Variants in CHD1 observed in about 807,000 individuals in gnomAD.
The protein encoded by CHD1 is chromodomain helicase DNA binding protein 1.
A neutral mutation model predicts 224.2 loss-of-function variants in CHD1; 36 were observed. The observed-to-expected ratio is 0.16, with a 90% CI of 0.12 to 0.21. CHD1 has a LOEUF of 0.21. Ranked by LOEUF, CHD1 falls within the 10% of genes least tolerant of loss-of-function variation. CHD1 has a pLI of 1.00. For synonymous variants in CHD1, 668 were observed against 658.3 expected (o/e 1.01, Z -0.23); for missense variants, 1,378 against 1,994.8 (o/e 0.69, Z 5.89).
intron 22 of CHD1, 57 bp from the exon 23 acceptor site, chr5:98,879,785 T>A: frequency 8.1e-7 from 1 of 1,233,410 alleles, no homozygotes; most frequent in Non-Finnish European, 1.1e-6. Context: ...TCCCTAAAAG[T>A]TTTTTTTAAG....
chr5:98,901,472 T>C, intron 5 of CHD1, 137 bp from the exon 6 acceptor site: 1 of 656,794 alleles, frequency 1.5e-6, no homozygotes, highest in Non-Finnish European at 2.4e-6. Flanking sequence ...AAAAATGAAA[T>C]ATTTATAAAA....
intron 2 of CHD1, among the ~76,000 whole-genome samples, chr5:98,919,003 C>T (rs1752925443): frequency 6.6e-6 from 1 of 152,164 alleles, no homozygotes; most frequent in African/African-American, 2.4e-5. Flanking sequence ...TTTAAACTGG[C>T]TATTCCATTA....
chr5:98,898,838 C>T (rs1490456973), intron 8 of CHD1, 74 bp from the exon 9 acceptor site: 3 of 790,804 alleles, frequency 3.8e-6, no homozygotes, highest in Non-Finnish European at 6.4e-6. Context: ...ATCCCCAACA[C>T]TATTTGTAGC....
rs758190179 is a variant in CHD1, at chr5:98,899,628, G to C, written c.937C>G (p.Pro313Ala). Residue 313 changes from proline (P) to alanine (A), a missense_variant, in exon 8 of 36, where the codon CCA becomes GCA. Pro to Ala is a conservative substitution (Grantham distance 27). Around this residue, in one of 16 missense-constraint regions of CHD1, gnomAD observed 40 missense variants for 60.0 expected, o/e 0.67. Transcript: ENST00000614616. Reference sequence around the variant, plus strand: ...TTAATTAAATACTGAATCTCTCCTGGTTCTTTGTTTTTTTCAAAGCCTGCA... The same window carrying C: ...TTAATTAAATACTGAATCTCTCCTGCTTCTTTGTTTTTTTCAAAGCCTGCA... ...PNAGFEKNKEPGEIQYLIKWK... is the reference protein window; with the variant it reads ...PNAGFEKNKEAGEIQYLIKWK... 3 of 1,613,420 alleles carry C rather than the reference G, an allele frequency of 1.9e-6. No homozygotes were observed. Among genetic ancestry groups the C allele is most frequent in the South Asian group, 2.2e-5 (2 of 91,052 alleles).
chr5:98,909,591 T>C (rs1752261532), intron 2 of CHD1, among the ~76,000 whole-genome samples: 1 of 152,174 alleles, frequency 6.6e-6, no homozygotes, highest in South Asian at 2.1e-4. Context: ...ATTCATCAGT[T>C]ACCCAAAACA....
At chr5:98,864,308 G>A (rs955714180) in intron 31 of CHD1, among the ~76,000 whole-genome samples, 2 of 151,920 alleles carry the variant, frequency 1.3e-5, no homozygotes, top group African/African-American at 4.8e-5. Context: ...TTCACAGAAA[G>A]CAAGCTGGTT....
At chr5:98,913,875 A>C (rs1418491174) in intron 2 of CHD1, among the ~76,000 whole-genome samples, 1 of 152,230 alleles carries the variant, frequency 6.6e-6, no homozygotes, top group Admixed American at 6.5e-5. Context: ...TGGAGAACTG[A>C]AAGGAAGTTC....
chr5:98,870,810 AAGC>A lies in CHD1; in HGVS notation c.3862-10_3862-8del. The A allele has an allele frequency of 6.3e-7, 1 of 1,585,694 alleles. No individual in the cohort carries two copies. The highest frequency in any genetic ancestry group is 8.6e-7 in the Non-Finnish European group (1 of 1,158,544). ...CGGGATCATCTGGAAGAATCTGAAA[AAGC>A]AATAAATTTTTTCAGATTGTCTTAA... On this transcript the variant is annotated splice_region_variant and splice_polypyrimidine_tract_variant and intron_variant, in intron 28 of 35. Transcript: ENST00000614616.
chr5:98,886,423 G>C (rs1215210912), intron 17 of CHD1, among the ~76,000 whole-genome samples: 1 of 152,184 alleles, frequency 6.6e-6, no homozygotes, highest in Non-Finnish European at 1.5e-5. Flanking sequence ...AAAACATGTA[G>C]CACAGTGCCT....
intron 2 of CHD1, among the ~76,000 whole-genome samples, chr5:98,912,837 T>C (rs1752510551): frequency 6.6e-6 from 1 of 152,228 alleles, no homozygotes; most frequent in Non-Finnish European, 1.5e-5. Flanking sequence ...TTATTTTCAA[T>C]TATATAACAT....
At chr5:98,899,101 G>A (rs1237552632) in intron 8 of CHD1, among the ~76,000 whole-genome samples, 1 of 152,028 alleles carries the variant, frequency 6.6e-6, no homozygotes, top group Non-Finnish European at 1.5e-5. Context: ...CAGAATCTGA[G>A]GATGCTCAAG....
At chr5:98,908,398 G>C (rs573419382) in intron 2 of CHD1, among the ~76,000 whole-genome samples, 13 of 152,142 alleles carry the variant, frequency 8.5e-5, no homozygotes, top group Non-Finnish European at 1.6e-4. Context: ...TCTTGGTTAT[G>C]AGCAAACGAT....
At chr5:98,858,103 C>T (rs2112442532) in intron 35 of CHD1, 77 bp downstream of exon 35, 1 of 1,106,758 alleles carries the variant, frequency 9.0e-7, no homozygotes, top group Non-Finnish European at 1.3e-6. Flanking sequence ...AATTGGCTGA[C>T]AGGTCAAATA....
chr5:98,871,763 CA>C (rs1749369290), intron 28 of CHD1, among the ~76,000 whole-genome samples: 1 of 151,988 alleles, frequency 6.6e-6, no homozygotes, highest in African/African-American at 2.4e-5. Flanking sequence ...TATTATGCAT[CA>C]AAAATTTTTT....
intron 24 of CHD1, 27 bp from the exon 25 acceptor site, chr5:98,875,140 T>C: frequency 7.3e-7 from 1 of 1,372,602 alleles, no homozygotes; most frequent in African/African-American, 1.4e-5. Flanking sequence ...GTTTGGTAAA[T>C]GTGAGCTTCA....
At chr5:98,911,141 AAAAAAATATATAT>A (rs1752367849) in intron 2 of CHD1, among the ~76,000 whole-genome samples, 1 of 114,762 alleles carries the variant, frequency 8.7e-6, no homozygotes, top group East Asian at 2.2e-4. Flanking sequence ...AAAAAAAAAA[AAAAAAATATATAT>A]ATATATATAT....
chr5:98,914,094 T>C (rs1752594751), intron 2 of CHD1, among the ~76,000 whole-genome samples: 1 of 152,184 alleles, frequency 6.6e-6, no homozygotes, highest in African/African-American at 2.4e-5. Flanking sequence ...CAGCTCAGTG[T>C]AGTCATGTGA....
intron 30 of CHD1, 64 bp downstream of exon 30, chr5:98,869,690 T>C (rs1477477508): frequency 2.6e-6 from 4 of 1,536,910 alleles, no homozygotes; most frequent in Non-Finnish European, 3.6e-6. Context: ...AAATGTAAAG[T>C]ACACAAAAAC....
Position 98,901,077 on chromosome 5 carries a change from T to C in CHD1, c.593A>G (p.Lys198Arg). ...AAGAATCTTCTTTCCATTTTTTGAC[T>C]TAGATCTAGGAAAGTGCAAAGAGAA... Reference protein sequence around the residue: ...VKSRKPQNRSKSKNGKKILGQ... With the variant: ...VKSRKPQNRSRSKNGKKILGQ... The change falls in exon 7 of 36, where the codon AAG (lysine) becomes AGG (arginine). Residue 198 changes from lysine to arginine, a missense_variant. Transcript: ENST00000614616. The C allele has an allele frequency of 6.3e-7, 1 of 1,591,564 alleles. No individual in the cohort carries two copies. The highest frequency in any genetic ancestry group is 8.5e-7 in the Non-Finnish European group (1 of 1,172,288).
Sources: gnomAD v4.1 joint callset for allele counts (sites outside exome capture counted in the v4.1 genomes callset) on GRCh38, gnomAD v4.1.1 for gene constraint, gnomAD v4.1.1 regional missense constraint, MANE v1.5 for transcripts, NCBI Gene and HGNC (gene_info 2026-07-23, HGNC 2026-07-21) for gene names.